The following ATAD1 variants were observed in gnomAD, a reference collection of about 807,000 sequenced individuals.
The protein encoded by ATAD1 is ATPase family AAA domain containing 1, also known as outer mitochondrial transmembrane helix translocase.
In ATAD1, 18 loss-of-function variants were observed where a neutral mutation model predicts 42.7. The ratio of observed to expected loss-of-function variants is 0.42; its 90% confidence interval spans 0.29 to 0.63. The LOEUF (loss-of-function observed/expected upper bound fraction) is 0.63. Among genes scored for constraint, ATAD1 ranks in the 20% least tolerant of loss-of-function variants. The pLI is 0.19. For synonymous variants in ATAD1, 132 were observed against 143.1 expected, an observed-to-expected ratio of 0.92 and a Z score of 0.55; for missense variants, 294 against 440.4, an observed-to-expected ratio of 0.67 and a Z score of 2.98.
chr10:87,798,271 T>C (rs1856495276), intron 2 of ATAD1, among the ~76,000 whole-genome samples: 1 of 152,238 alleles, frequency 6.6e-6, no homozygotes, highest in Admixed American at 6.5e-5. Flanking sequence ...GCTCAGTTCC[T>C]CCTTTTAAGA....
chr10:87,841,322 A>G (rs1445709769), exon 1 of ATAD1: 1 of 152,186 alleles, frequency 6.6e-6, no homozygotes, highest in Non-Finnish European at 1.5e-5. Context: ...GGGAGATGAC[A>G]TCTTCTGAAC....
At chr10:87,805,875 T>C (rs1166793059) in intron 2 of ATAD1, among the ~76,000 whole-genome samples, 1 of 152,022 alleles carries the variant, frequency 6.6e-6, no homozygotes, top group Non-Finnish European at 1.5e-5. Flanking sequence ...CAAGCTTAAT[T>C]TCACTAAATT....
At position 87,784,634 on chromosome 10, in the gene ATAD1, G is replaced by A. The variant is rs1291547891; in HGVS notation, c.419C>T (p.Thr140Met). Residue 140 changes from threonine (T) to methionine (M), a missense_variant, in exon 5 of 10, where the codon ACG becomes ATG. By Grantham distance (81) the Thr-to-Met change is moderately conservative (BLOSUM62 -1). Transcript: ENST00000680024. ...TTTGGCTGTGGCCTTGGCAATCAAC[G>A]TTTTACCACAGCCTGGAGGCCCATA... ...LLYGPPGCGK[T>M]LIAKATAKEA... 2 of 1,612,822 alleles carry A rather than the reference G, an allele frequency of 1.2e-6. No individual in the cohort carries two copies. Among genetic ancestry groups the A allele is most frequent in the Non-Finnish European group, 1.7e-6 (2 of 1,179,822 alleles).
chr10:87,839,021 T>C (rs922846405), intron 1 of ATAD1, among the ~76,000 whole-genome samples: 4 of 152,204 alleles, frequency 2.6e-5, no homozygotes, highest in African/African-American at 9.7e-5. Flanking sequence ...AGTCACTACT[T>C]TTCTTTATAA....
At chr10:87,805,905 T>C (rs1419336714) in intron 2 of ATAD1, among the ~76,000 whole-genome samples, 1 of 152,092 alleles carries the variant, frequency 6.6e-6, no homozygotes, top group Non-Finnish European at 1.5e-5. Context: ...CTTTCTTAGA[T>C]CATATTCCTC....
intron 2 of ATAD1, among the ~76,000 whole-genome samples, chr10:87,806,801 A>G (rs1353102463): frequency 6.6e-6 from 1 of 152,220 alleles, no homozygotes; most frequent in Non-Finnish European, 1.5e-5. Context: ...GCCTAAAAAC[A>G]ATAAATTCAC....
At chr10:87,817,911 G>C (rs996428907) in intron 1 of ATAD1, 4 of 985,560 alleles carry the variant, frequency 4.1e-6, no homozygotes, top group Non-Finnish European at 4.8e-6. Context: ...AATGGCACGA[G>C]TCTTGGGGAA....
rs577204254 is a variant in ATAD1 at position 87,823,629 on chromosome 10, A to G, written c.-13-9017T>C. 2.0e-5 allele frequency among the ~76,000 whole-genome samples: 3 copies of G among 152,358 alleles called. No homozygotes were observed. The South Asian group carries it at 6.2e-4, about 32-fold the overall frequency. On this transcript the variant is annotated intron_variant, in intron 1 of 4. Coordinates refer to the ATAD1 transcript ENST00000495903. ...TGCATTAGTTAAAATAGAAGAAACA[A>G]TAGTTGAAATGTTAATTCTCAATTC...
chr10:87,766,370 A>G, intron 8 of ATAD1, among the ~76,000 whole-genome samples: 1 of 152,202 alleles, frequency 6.6e-6, no homozygotes, highest in East Asian at 1.9e-4. Context: ...TGTGGCATTG[A>G]TTCACTAAAT....
intron 1 of ATAD1, among the ~76,000 whole-genome samples, chr10:87,825,590 T>TG (rs1857712454): frequency 6.6e-6 from 1 of 151,756 alleles, no homozygotes; most frequent in Admixed American, 6.6e-5. Flanking sequence ...ATTACAGGCA[T>TG]GAGCCACCGT....
intron 4 of ATAD1, among the ~76,000 whole-genome samples, chr10:87,789,320 T>C (rs1385895226): frequency 2.6e-5 from 4 of 152,198 alleles, no homozygotes; most frequent in Non-Finnish European, 5.9e-5. Context: ...ATAAGCTATC[T>C]CGTGAAATTT....
chr10:87,816,198 T>A (rs1348765077), intron 1 of ATAD1, among the ~76,000 whole-genome samples: 1 of 152,084 alleles, frequency 6.6e-6, no homozygotes, highest in African/African-American at 2.4e-5. Flanking sequence ...AAAACAGACG[T>A]TTATAATTGC....
At chr10:87,838,330 C>T (rs894683445) in intron 1 of ATAD1, among the ~76,000 whole-genome samples, 2 of 151,960 alleles carry the variant, frequency 1.3e-5, no homozygotes, top group Non-Finnish European at 2.9e-5. Flanking sequence ...AGTTCAAGAC[C>T]AGCCTGGCCA....
At chr10:87,797,076 C>T (rs1385435992) in intron 2 of ATAD1, among the ~76,000 whole-genome samples, 1 of 152,184 alleles carries the variant, frequency 6.6e-6, no homozygotes, top group African/African-American at 2.4e-5. Context: ...AGACCTATCC[C>T]TGGGTAAGTA....
At chr10:87,776,561 C>CA in intron 5 of ATAD1, 134 bp from the exon 6 acceptor site, 2 of 619,124 alleles carry the variant, frequency 3.2e-6, no homozygotes, top group Non-Finnish European at 5.7e-6. Context: ...CTCGAACTCC[C>CA]AGGCTTAAGT....
chr10:87,797,864 C>T (rs912497041), intron 2 of ATAD1, among the ~76,000 whole-genome samples: 9 of 152,122 alleles, frequency 5.9e-5, no homozygotes, highest in South Asian at 4.1e-4. Flanking sequence ...GGCTTTTCTG[C>T]GCACATTTGT....
At chr10:87,806,983 C>T (rs140582549) in intron 2 of ATAD1, among the ~76,000 whole-genome samples, 409 of 152,202 alleles carry the variant, frequency 2.7e-3, no homozygotes, top group African/African-American at 9.3e-3. Context: ...TTTGTCTGAT[C>T]GCTTCTTTAA....
At chr10:87,796,068 T>C (rs916908401) in intron 2 of ATAD1, among the ~76,000 whole-genome samples, 1 of 152,232 alleles carries the variant, frequency 6.6e-6, no homozygotes. Flanking sequence ...AGTATCTTTA[T>C]ATAATAGATA....
chr10:87,768,331 A>G (rs992773770), intron 7 of ATAD1, among the ~76,000 whole-genome samples: 1 of 152,206 alleles, frequency 6.6e-6, no homozygotes, highest in South Asian at 2.1e-4. Context: ...GATGCTTCTT[A>G]AAACTATCAT....
Sources: gnomAD v4.1 joint callset for allele counts (sites outside exome capture counted in the v4.1 genomes callset) on GRCh38, gnomAD v4.1.1 for gene constraint, MANE v1.5 for transcripts, NCBI Gene and HGNC (gene_info 2026-07-23, HGNC 2026-07-21) for gene names.